The following DNAH14 variants were observed in gnomAD, a reference collection of about 807,000 sequenced individuals.
DNAH14 encodes axonemal beta dynein heavy chain 14.
DNAH14 carries 478 observed loss-of-function variants against 520.9 expected under a neutral mutation model. The ratio of observed to expected loss-of-function variants is 0.92; its 90% CI spans 0.85 to 0.99. The LOEUF is 0.99. Ranked by LOEUF, DNAH14 falls within the 50% of genes least tolerant of loss-of-function variation. The probability of loss-of-function intolerance (pLI) is 0.00; values close to 1 mark genes in which losing one functional copy is unlikely to be tolerated. For missense variants in DNAH14, 4,831 were observed against 5,234.5 expected, an observed-to-expected ratio of 0.92 and a Z score of 2.38; for synonymous variants, 1,581 against 1,757.2, an observed-to-expected ratio of 0.90 and a Z score of 2.51.
intron 64 of DNAH14, among the ~76,000 whole-genome samples, chr1:225,330,555 A>G (rs986915185): frequency 1.3e-5 from 2 of 152,226 alleles, no homozygotes; most frequent in African/African-American, 4.8e-5. Context: ...AGCCAGGTGC[A>G]GAAAGACAAA....
At chr1:225,207,526 A>G (rs2087742743) in intron 41 of DNAH14, among the ~76,000 whole-genome samples, 1 of 152,226 alleles carries the variant, frequency 6.6e-6, no homozygotes, top group South Asian at 2.1e-4. Flanking sequence ...GAAATAGTGA[A>G]AAAAGCCTGT....
At position 224,968,882 on chromosome 1, in the gene DNAH14, GA is replaced by G. The variant is rs770284265; in HGVS notation, c.767+15del. The G allele has an allele frequency of 1.1e-5, 17 of 1,513,618 alleles. No homozygotes were observed. The highest frequency in any genetic ancestry group is 4.2e-5 in the Admixed American group (2 of 47,280). 93.8% of individuals were successfully genotyped at this position (1,513,618 alleles called of 1,614,324 possible). On this transcript the variant is annotated intron_variant, in intron 7 of 85. Coordinates refer to ENST00000682510, the MANE Select transcript of DNAH14 (RefSeq NM_001367479.1). The stretch of plus-strand genomic sequence containing the variant: ...GATATTTTCTGATTTCCGGTGAGGT[GA>G]AAAAAATGAAACCAATTCTTTGTAG...
At chr1:225,096,295 T>A (rs905800105) in intron 21 of DNAH14, among the ~76,000 whole-genome samples, 3 of 152,128 alleles carry the variant, frequency 2.0e-5, no homozygotes. Context: ...ATTGTATAAT[T>A]TAAATATGTG....
chr1:225,178,612 C>G (rs967141450), intron 36 of DNAH14, among the ~76,000 whole-genome samples: 1 of 152,146 alleles, frequency 6.6e-6, no homozygotes, highest in African/African-American at 2.4e-5. Context: ...GAGTAACTAA[C>G]TTGCTTTTGA....
At chr1:225,290,641 GTGTGTGTATA>G (rs1388741300) in intron 55 of DNAH14, among the ~76,000 whole-genome samples, 1,287 of 91,166 alleles carry the variant, frequency 0.014, 74 homozygotes, top group East Asian at 0.02. Flanking sequence ...ATGTGTGTGT[GTGTGTGTATA>G]TATATATATA....
intron 41 of DNAH14, among the ~76,000 whole-genome samples, chr1:225,226,318 G>A (rs554639642): frequency 1.3e-4 from 20 of 152,200 alleles, no homozygotes; most frequent in Admixed American, 2.6e-4. Context: ...CTATCCTCCC[G>A]CTGTGTGTAA....
At chr1:225,009,732 CAT>C (rs1436065433) in intron 10 of DNAH14, among the ~76,000 whole-genome samples, 1 of 152,130 alleles carries the variant, frequency 6.6e-6, no homozygotes, top group African/African-American at 2.4e-5. Flanking sequence ...TCTTCCTATC[CAT>C]GAGCATGGAA....
intron 36 of DNAH14, among the ~76,000 whole-genome samples, chr1:225,174,745 T>C (rs958807855): frequency 2.0e-5 from 3 of 152,192 alleles, no homozygotes; most frequent in Non-Finnish European, 4.4e-5. Context: ...ATCTTCATCT[T>C]GTCCCAGATC....
At chr1:225,149,922 A>G (rs6683938) in intron 31 of DNAH14, among the ~76,000 whole-genome samples, 39,230 of 152,032 alleles carry the variant, frequency 0.26, 7,719 homozygotes, top group African/African-American at 0.55. Context: ...CTCTGGCCAG[A>G]ACTTCCAAGA....
intron 4 of DNAH14, among the ~76,000 whole-genome samples, chr1:224,963,510 C>T (rs889027303): frequency 2.6e-5 from 4 of 151,966 alleles, no homozygotes; most frequent in Admixed American, 2.0e-4. Flanking sequence ...TGAATAATCG[C>T]TCTGTTGATT....
intron 18 of DNAH14, 143 bp from the exon 19 acceptor site, chr1:225,080,236 G>T (rs2072959532): frequency 1.2e-6 from 1 of 850,992 alleles, no homozygotes; most frequent in African/African-American, 1.7e-5. Context: ...TCTTTGTCTG[G>T]GCCAAATGGT....
intron 36 of DNAH14, among the ~76,000 whole-genome samples, chr1:225,177,112 A>G (rs1036762630): frequency 5.9e-5 from 9 of 152,154 alleles, no homozygotes; most frequent in Non-Finnish European, 4.4e-5. Context: ...AGGCTGAGGT[A>G]TTTTCAAACA....
intron 3 of DNAH14, 116 bp from the exon 4 acceptor site, chr1:224,960,037 C>A: frequency 9.8e-7 from 1 of 1,016,594 alleles, no homozygotes; most frequent in Non-Finnish European, 1.3e-6. Flanking sequence ...GTGCTCTTAA[C>A]TACCATGCTA....
In DNAH14 at chr1:225,264,200, C is replaced by T; in HGVS notation, c.7161C>T (p.Ser2387=). 6.5e-7 allele frequency: 1 copy of T among 1,549,234 alleles called. No homozygotes were observed. Among genetic ancestry groups the T allele is most frequent in the African/African-American group, 1.4e-5 (1 of 73,034 alleles). ...LLYSEIKKSS[S]LKQNITILIP... Reference sequence around the variant, plus strand: ...TCCTTAAAATATTTCATTCCAGTAGCCTAAAACAGAATATCACCATCTTGA... The same window carrying T: ...TCCTTAAAATATTTCATTCCAGTAGTCTAAAACAGAATATCACCATCTTGA... Residue 2387 remains serine, a synonymous_variant, in exon 47 of 86, where the codon AGC becomes AGT. Transcript: ENST00000682510.
intron 28 of DNAH14, among the ~76,000 whole-genome samples, chr1:225,142,943 TAA>T (rs2079584790): frequency 6.6e-6 from 1 of 152,108 alleles, no homozygotes; most frequent in African/African-American, 2.4e-5. Context: ...TAAATTAATT[TAA>T]TTTTTTAAAA....
intron 73 of DNAH14, among the ~76,000 whole-genome samples, chr1:225,355,507 G>GC (rs2095419653): frequency 6.6e-6 from 1 of 152,052 alleles, no homozygotes. Flanking sequence ...CGAGGGCAGA[G>GC]CCCCCATGAC....
At chr1:225,047,781 T>C (rs577953705) in intron 15 of DNAH14, among the ~76,000 whole-genome samples, 18 of 152,234 alleles carry the variant, frequency 1.2e-4, no homozygotes, top group African/African-American at 1.7e-4. Context: ...CAGTTTCCAG[T>C]CCAAACTTGT....
intron 33 of DNAH14, among the ~76,000 whole-genome samples, chr1:225,153,096 T>C (rs910742761): frequency 1.3e-5 from 2 of 152,172 alleles, no homozygotes; most frequent in Admixed American, 1.3e-4. Flanking sequence ...GTCAAGGTTC[T>C]AAGTCTTTCC....
intron 25 of DNAH14, among the ~76,000 whole-genome samples, chr1:225,118,648 C>T (rs2077049945): frequency 1.3e-5 from 2 of 151,974 alleles, no homozygotes; most frequent in South Asian, 2.1e-4. Flanking sequence ...TTTGGGAGGC[C>T]GAGGCAGGTG....
Sources: gnomAD v4.1 joint callset for allele counts (sites outside exome capture counted in the v4.1 genomes callset) on GRCh38, gnomAD v4.1.1 for gene constraint, MANE v1.5 for transcripts, NCBI Gene and HGNC (gene_info 2026-07-23, HGNC 2026-07-21) for gene names.